Variants in PLCB1 observed in about 807,000 individuals in gnomAD.
PLCB1 encodes 1-phosphatidylinositol 4,5-bisphosphate phosphodiesterase beta-1.
PLCB1 carries 46 observed loss-of-function variants against 161.8 expected under a neutral mutation model. The observed-to-expected ratio is 0.28, with a 90% CI of 0.22 to 0.36. The LOEUF (loss-of-function observed/expected upper bound fraction) is 0.36, where lower values mean the gene tolerates loss of function less well. Among genes scored for constraint, PLCB1 ranks in the 10% least tolerant of loss-of-function variants. The probability of loss-of-function intolerance (pLI) is 1.00; values close to 1 mark genes in which losing one functional copy is unlikely to be tolerated. For missense variants in PLCB1, 1,016 were observed against 1,472.5 expected (o/e 0.69, Z 5.07); for synonymous variants, 517 against 503.7 (o/e 1.03, Z -0.35).
intron 4 of PLCB1, among the ~76,000 whole-genome samples, chr20:8,634,383 C>A (rs960131720): frequency 6.6e-6 from 1 of 152,146 alleles, no homozygotes; most frequent in African/African-American, 2.4e-5. Flanking sequence ...GAGTCTAATT[C>A]ACTTATTTCA....
chr20:8,573,364 C>G (rs1164198477), intron 3 of PLCB1, among the ~76,000 whole-genome samples: 1 of 152,060 alleles, frequency 6.6e-6, no homozygotes, highest in Non-Finnish European at 1.5e-5. Flanking sequence ...AGAACTTTAA[C>G]TAGGAAATGG....
At chr20:8,696,126 GTAGTTT>G (rs1250757555) in intron 10 of PLCB1, among the ~76,000 whole-genome samples, 1 of 152,170 alleles carries the variant, frequency 6.6e-6, no homozygotes, top group Non-Finnish European at 1.5e-5. Flanking sequence ...TAAAGGTTTT[GTAGTTT>G]TAGCTCTTAT....
intron 3 of PLCB1, among the ~76,000 whole-genome samples, chr20:8,584,471 T>G (rs570854595): frequency 8.7e-6 from 1 of 115,098 alleles, no homozygotes; most frequent in African/African-American, 3.7e-5. Context: ...CACACACACA[T>G]ACACACACAC....
chr20:8,153,183 G>A (rs546932076), intron 2 of PLCB1, among the ~76,000 whole-genome samples: 48 of 152,276 alleles, frequency 3.2e-4, no homozygotes, highest in African/African-American at 1.0e-3. Context: ...CTGACAGGAT[G>A]TTTGGAGTTG....
At chr20:8,378,574 C>T (rs936532924) in intron 3 of PLCB1, among the ~76,000 whole-genome samples, 7 of 152,214 alleles carry the variant, frequency 4.6e-5, no homozygotes, top group African/African-American at 9.6e-5. Context: ...GGTCTTGCCT[C>T]GATATCAAAG....
chr20:8,408,369 CA>C (rs1400989229), intron 3 of PLCB1, among the ~76,000 whole-genome samples: 5 of 151,748 alleles, frequency 3.3e-5, no homozygotes, highest in African/African-American at 9.7e-5. Context: ...ATGAGGATCA[CA>C]CCTGTGAATA....
chr20:8,683,212 T>C (rs549356733), intron 9 of PLCB1, among the ~76,000 whole-genome samples: 1 of 152,156 alleles, frequency 6.6e-6, no homozygotes, highest in East Asian at 1.9e-4. Flanking sequence ...CATAAAAGAA[T>C]TATACACACA....
intron 3 of PLCB1, among the ~76,000 whole-genome samples, chr20:8,521,936 C>T (rs954143553): frequency 6.6e-5 from 10 of 152,316 alleles, no homozygotes; most frequent in African/African-American, 2.4e-4. Flanking sequence ...TCTTTCTTAA[C>T]ATCAGATTTT....
chr20:8,242,684 T>C (rs1283807509), intron 2 of PLCB1, among the ~76,000 whole-genome samples: 1 of 151,894 alleles, frequency 6.6e-6, no homozygotes, highest in Non-Finnish European at 1.5e-5. Flanking sequence ...TTGCTGAGGA[T>C]GCAAGAAGTT....
chr20:8,455,377 T>TG (rs200838434), intron 3 of PLCB1, among the ~76,000 whole-genome samples: 2,255 of 149,424 alleles, frequency 0.015, 68 homozygotes, highest in African/African-American at 0.054. Flanking sequence ...GGAAGGTAAT[T>TG]GCTATACCAT....
intron 23 of PLCB1, among the ~76,000 whole-genome samples, chr20:8,746,302 A>G (rs1311034405): frequency 1.3e-5 from 2 of 152,210 alleles, no homozygotes; most frequent in Non-Finnish European, 2.9e-5. Context: ...AGAGATGCCT[A>G]GTGAAATATC....
intron 2 of PLCB1, among the ~76,000 whole-genome samples, chr20:8,259,890 T>C (rs1981608391): frequency 6.6e-6 from 1 of 152,142 alleles, no homozygotes; most frequent in East Asian, 1.9e-4. Flanking sequence ...TTACATTGAT[T>C]TTCCTGAAGT....
At chr20:8,324,364 C>G (rs1041148817) in intron 2 of PLCB1, among the ~76,000 whole-genome samples, 3 of 152,062 alleles carry the variant, frequency 2.0e-5, no homozygotes, top group African/African-American at 7.2e-5. Context: ...CAACAAACTT[C>G]TAAATCTATA....
chr20:8,836,308 C>T (rs1399811822), intron 31 of PLCB1, among the ~76,000 whole-genome samples: 1 of 152,188 alleles, frequency 6.6e-6, no homozygotes, highest in African/African-American at 2.4e-5. Context: ...TCAATCTATA[C>T]ATAATATGCT....
intron 31 of PLCB1, among the ~76,000 whole-genome samples, chr20:8,815,025 C>T (rs1985018619): frequency 6.6e-6 from 1 of 152,176 alleles, no homozygotes; most frequent in Non-Finnish European, 1.5e-5. Context: ...GTGTAATGTC[C>T]ATTATCTAAA....
At chr20:8,558,118 GA>G (rs1040257901) in intron 3 of PLCB1, among the ~76,000 whole-genome samples, 1 of 151,702 alleles carries the variant, frequency 6.6e-6, no homozygotes, top group African/African-American at 2.4e-5. Flanking sequence ...ACAAGAGGGT[GA>G]TTATAGTCAA....
At chr20:8,237,704 T>A (rs1980397577) in intron 2 of PLCB1, among the ~76,000 whole-genome samples, 1 of 152,094 alleles carries the variant, frequency 6.6e-6, no homozygotes, top group Non-Finnish European at 1.5e-5. Flanking sequence ...AATTGGCTAA[T>A]CTAGTTTTTC....
At chr20:8,732,755 C>T (rs2327098) in intron 18 of PLCB1, among the ~76,000 whole-genome samples, 136,212 of 143,160 alleles carry the variant, frequency 0.95, 64,908 homozygotes, top group East Asian at 1. Context: ...ATATTTAATA[C>T]ATTAGATATT....
intron 2 of PLCB1, among the ~76,000 whole-genome samples, chr20:8,308,823 TA>T (rs1052262572): frequency 6.6e-6 from 1 of 151,932 alleles, no homozygotes; most frequent in South Asian, 2.1e-4. Context: ...GTAATAATAA[TA>T]AAAAATAATA....
Sources: gnomAD v4.1 joint callset for allele counts (sites outside exome capture counted in the v4.1 genomes callset) on GRCh38, gnomAD v4.1.1 for gene constraint, MANE v1.5 for transcripts, NCBI Gene and HGNC (gene_info 2026-07-23, HGNC 2026-07-21) for gene names.